TRIM42: variants seen among roughly 807,000 people sequenced by gnomAD.
TRIM42 encodes the protein tripartite motif-containing protein 42.
Under a neutral mutation model 64.9 loss-of-function variants are expected in TRIM42, and 59 were observed. The ratio of observed to expected loss-of-function variants is 0.91; its 90% CI spans 0.74 to 1.13. The LOEUF (loss-of-function observed/expected upper bound fraction) is 1.13. TRIM42 is among the 50% of genes most tolerant of loss of function. The pLI, the probability that TRIM42 is intolerant of heterozygous loss-of-function variation, is 0.00. For synonymous variants in TRIM42, 354 were observed against 346.3 expected (o/e 1.02, Z -0.25); for missense variants, 878 against 929.5 (o/e 0.94, Z 0.72).
intron 3 of TRIM42, among the ~76,000 whole-genome samples, chr3:140,689,263 G>T (rs988601089): frequency 2.0e-5 from 3 of 152,130 alleles, no homozygotes; most frequent in African/African-American, 7.2e-5. Context: ...CTTTATTAAG[G>T]TTTATGGAGG....
At chr3:140,678,877 T>A (rs1286498815) in intron 1 of TRIM42, among the ~76,000 whole-genome samples, 1 of 152,180 alleles carries the variant, frequency 6.6e-6, no homozygotes, top group East Asian at 1.9e-4. Context: ...TGCCAGGCAC[T>A]TCATGCATGA....
At chr3:140,684,745 T>C (rs964572816) in intron 2 of TRIM42, among the ~76,000 whole-genome samples, 3 of 152,182 alleles carry the variant, frequency 2.0e-5, no homozygotes, top group Non-Finnish European at 4.4e-5. Context: ...AAGAAAATGG[T>C]AGAACTGTTG....
intron 4 of TRIM42, among the ~76,000 whole-genome samples, chr3:140,695,556 G>A (rs968445985): frequency 4.6e-5 from 7 of 152,022 alleles, no homozygotes; most frequent in Non-Finnish European, 5.9e-5. Flanking sequence ...AGTCATCCTC[G>A]GTGTCTGATG....
chr3:140,699,134 T>C (rs540292243), intron 4 of TRIM42, among the ~76,000 whole-genome samples: 4 of 152,178 alleles, frequency 2.6e-5, no homozygotes, highest in Non-Finnish European at 5.9e-5. Context: ...GTGAATTACA[T>C]TGACTGATTT....
At chr3:140,690,531 GTATATATATA>G (rs56969249) in intron 3 of TRIM42, among the ~76,000 whole-genome samples, 3,793 of 102,924 alleles carry the variant, frequency 0.037, 86 homozygotes, top group East Asian at 0.063. Context: ...AAGTTTTTAT[GTATATATATA>G]TATATATATA....
In TRIM42 at chr3:140,678,451, C is replaced by T. The variant is rs757444882; in HGVS notation, c.222C>T (p.Pro74=). ...HWCCCSWAND[P]NCKCCCTASS... is the part of the protein sequence containing the mutation. ...GTTGCTGCTCTTGGGCCAATGATCCCAACTGTAAGTGCTGCTGCACAGCCA... is the reference window on the plus strand; with the variant it reads ...GTTGCTGCTCTTGGGCCAATGATCCTAACTGTAAGTGCTGCTGCACAGCCA... Residue 74 remains proline (P), a synonymous_variant, in exon 1 of 5, where the codon CCC becomes CCT. Transcript: ENST00000286349. 7 of 1,614,158 alleles carry T rather than the reference C, an allele frequency of 4.3e-6. No homozygotes were observed. The highest frequency in any genetic ancestry group is 1.7e-5 in the Admixed American group (1 of 60,024).
intron 2 of TRIM42, 143 bp from the exon 3 acceptor site, chr3:140,687,579 C>G (rs1988577662): frequency 4.7e-6 from 3 of 634,032 alleles, no homozygotes; most frequent in Middle Eastern, 8.4e-4. Context: ...CCTATTCCAG[C>G]CTGTTTCAGC....
At chr3:140,686,161 T>C (rs1384426900) in intron 2 of TRIM42, among the ~76,000 whole-genome samples, 2 of 152,174 alleles carry the variant, frequency 1.3e-5, no homozygotes, top group African/African-American at 4.8e-5. Flanking sequence ...CAATCCCTAA[T>C]ACAGCAAGAA....
At chr3:140,686,278 C>T (rs1988542871) in intron 2 of TRIM42, among the ~76,000 whole-genome samples, 2 of 152,160 alleles carry the variant, frequency 1.3e-5, no homozygotes, top group Admixed American at 1.3e-4. Flanking sequence ...TTGGGGAAGG[C>T]AAGAAGCACT....
intron 1 of TRIM42, 124 bp downstream of exon 1, chr3:140,678,694 G>C: frequency 2.6e-6 from 2 of 775,242 alleles, no homozygotes; most frequent in East Asian, 2.7e-5. Context: ...CTAAAAGGAG[G>C]AGCCAAGAAT....
intron 4 of TRIM42, among the ~76,000 whole-genome samples, chr3:140,700,496 T>A (rs1339149647): frequency 3.3e-5 from 5 of 152,002 alleles, no homozygotes; most frequent in Non-Finnish European, 7.4e-5. Context: ...GAAAGTCAAA[T>A]GCATTAGCTG....
chr3:140,698,918 G>C (rs921475256), intron 4 of TRIM42, among the ~76,000 whole-genome samples: 4 of 152,042 alleles, frequency 2.6e-5, no homozygotes, highest in African/African-American at 9.7e-5. Context: ...ACATAAAATT[G>C]TGGCAGTGTT....
chr3:140,688,835 A>G (rs1988634392), intron 3 of TRIM42, among the ~76,000 whole-genome samples: 2 of 152,368 alleles, frequency 1.3e-5, no homozygotes, highest in Admixed American at 6.5e-5. Context: ...AGAGAACCCA[A>G]TTTGGGAACC....
chr3:140,697,228 C>T (rs1988874951), intron 4 of TRIM42, among the ~76,000 whole-genome samples: 2 of 152,146 alleles, frequency 1.3e-5, no homozygotes, highest in Non-Finnish European at 2.9e-5. Flanking sequence ...TGCAGGATGT[C>T]CTTATATATT....
intron 2 of TRIM42, among the ~76,000 whole-genome samples, chr3:140,685,595 C>A (rs1988528057): frequency 6.6e-6 from 1 of 152,168 alleles, no homozygotes; most frequent in Non-Finnish European, 1.5e-5. Context: ...AAAACTGCCT[C>A]ACCTGGCTTC....
intron 3 of TRIM42, 121 bp downstream of exon 3, chr3:140,688,663 C>A: frequency 1.4e-6 from 1 of 717,390 alleles, no homozygotes; most frequent in South Asian, 2.2e-5. Flanking sequence ...CTCATATCTG[C>A]TCCTCTAGAC....
Position 140,687,933 on chromosome 3 carries a change from C to G in TRIM42, c.1251C>G (p.Thr417=), listed in dbSNP as rs765191850. Residue 417 remains threonine, a synonymous_variant, in exon 3 of 5, where the codon ACC becomes ACG. Coordinates refer to ENST00000286349, the MANE Select transcript of TRIM42 (RefSeq NM_152616.5). ...TTGAAAAATATGTGTATGTTACAACCATGAAAGTGAACGAGATGGATGGTC... is the reference window on the plus strand; with the variant it reads ...TTGAAAAATATGTGTATGTTACAACGATGAAAGTGAACGAGATGGATGGTC... The part of the protein sequence containing the change: ...KEIEKYVYVT[T]MKVNEMDGLI... 6.2e-7 allele frequency: 1 copy of G among 1,614,104 alleles called. No individual in the cohort carries two copies. Among genetic ancestry groups the G allele is most frequent in the East Asian group, 2.2e-5 (1 of 44,874 alleles).
rs765162799 is a variant in TRIM42, at chr3:140,691,180, T to C, written c.2073T>C (p.Ser691=). ...ATGATAATGGTCCTGGGCAATGGAG[T>C]GATATCTGCAAGGTATTGTGTGCGT... is the stretch of plus-strand genomic sequence containing the variant. ...AINDNGPGQW[S]DICKVVTPDG... Residue 691 remains serine (S), a synonymous_variant, in exon 4 of 5, where the codon AGT becomes AGC. Transcript: ENST00000286349. The C allele has an allele frequency of 7.4e-6, 12 of 1,613,878 alleles. No homozygotes were observed. In the South Asian group the frequency reaches 1.3e-4, roughly 18 times the overall value.
Position 140,688,203 on chromosome 3 carries a change from C to G in TRIM42, c.1521C>G (p.Pro507=), listed in dbSNP as rs772148332. Reference sequence around the variant, plus strand: ...CCTCAGGGGACTCCCTGCCCTCCCCCTACCCCGTGCACTCAGAAACAATGA... The same window carrying G: ...CCTCAGGGGACTCCCTGCCCTCCCCGTACCCCGTGCACTCAGAAACAATGA... ...VRSSGDSLPS[P]YPVHSETMIA... Residue 507 remains proline (P), a synonymous_variant, in exon 3 of 5, where the codon CCC becomes CCG. Transcript: ENST00000286349. 1.2e-6 allele frequency: 2 copies of G among 1,614,232 alleles called. No homozygotes were observed. Among genetic ancestry groups the G allele is most frequent in the South Asian group, 1.1e-5 (1 of 91,080 alleles).
Sources: allele counts gnomAD v4.1 joint callset (sites outside exome capture counted in the v4.1 genomes callset), GRCh38; gene constraint gnomAD v4.1.1; transcripts MANE v1.5; gene names NCBI Gene and HGNC (gene_info 2026-07-23, HGNC 2026-07-21).